The following CEP170 variants were observed in gnomAD, a reference collection of about 807,000 sequenced individuals.
The protein encoded by CEP170 is centrosomal protein of 170 kDa.
A neutral mutation model predicts 151.9 loss-of-function variants in CEP170; 21 were observed. That is an observed-to-expected ratio of 0.14 (90% CI 0.10 to 0.20). The LOEUF is 0.20. Among genes scored for constraint, CEP170 ranks in the 10% least tolerant of loss-of-function variants. The probability of loss-of-function intolerance (pLI) is 1.00; values close to 1 mark genes in which losing one functional copy is unlikely to be tolerated. For synonymous variants in CEP170, 356 were observed against 648.8 expected (o/e 0.55, Z 6.86); for missense variants, 964 against 1,892.9 (o/e 0.51, Z 9.11).
intron 7 of CEP170, among the ~76,000 whole-genome samples, chr1:243,193,777 C>G (rs2060464904): frequency 1.3e-5 from 2 of 151,812 alleles, no homozygotes; most frequent in Non-Finnish European, 2.9e-5. Flanking sequence ...CAGACAAGAT[C>G]TGAAATCAGA....
intron 1 of CEP170, among the ~76,000 whole-genome samples, chr1:243,245,261 T>G (rs1221717609): frequency 2.0e-5 from 3 of 152,112 alleles, no homozygotes; most frequent in Admixed American, 6.6e-5. Flanking sequence ...AAATAAGGTT[T>G]TTTTTTTTGG....
Position 243,140,039 on chromosome 1 carries a change from T to C in CEP170, c.4128A>G (p.Thr1376=), listed in dbSNP as rs371523136. Residue 1376 remains threonine (T), a synonymous_variant, in exon 16 of 20, where the codon ACA becomes ACG. Transcript: ENST00000366542. The part of the protein sequence containing the change: ...RKIPPLVHSK[T]PEGNNGRSGD... The stretch of plus-strand genomic sequence containing the variant: ...CAGATCGACCGTTGTTTCCTTCTGG[T>C]GTTTTGGAATGAACTAATGGAGGAA... 2 of 1,613,890 alleles carry C rather than the reference T, an allele frequency of 1.2e-6. No homozygotes were observed. Among genetic ancestry groups the C allele is most frequent in the African/African-American group, 2.7e-5 (2 of 74,954 alleles).
At chr1:243,237,689 G>A (rs971493218) in intron 1 of CEP170, among the ~76,000 whole-genome samples, 2 of 152,130 alleles carry the variant, frequency 1.3e-5, no homozygotes. Flanking sequence ...ATCACCCTGA[G>A]GTCAGGAGTT....
In CEP170 at chr1:243,228,492, A is replaced by G. The variant is rs1451460304; in HGVS notation, c.-41-3171T>C. ...TTCCTGGCCAAGTCTATAAAGGTGA[A>G]TCCAAATTTTACTGGAGAAAAAAGC... On this transcript the variant is annotated intron_variant, in intron 1 of 19. Transcript: ENST00000366542. Among the ~76,000 whole-genome samples the G allele has an allele frequency of 3.3e-5, 5 of 152,324 alleles. No homozygotes were observed. The South Asian group carries it at 1.0e-3, about 32-fold the overall frequency.
intron 1 of CEP170, among the ~76,000 whole-genome samples, chr1:243,239,485 TA>T (rs1453701607): frequency 2.6e-5 from 4 of 152,348 alleles, no homozygotes; most frequent in Non-Finnish European, 5.9e-5. Flanking sequence ...GTAAATGTAA[TA>T]ATTTCACTCC....
At chr1:243,218,532 A>G (rs2062513682) in intron 3 of CEP170, among the ~76,000 whole-genome samples, 2 of 152,206 alleles carry the variant, frequency 1.3e-5, no homozygotes, top group Admixed American at 6.5e-5. Context: ...GCAATTCTGT[A>G]AATTGTAGAT....
intron 1 of CEP170, among the ~76,000 whole-genome samples, chr1:243,243,030 C>T (rs914264591): frequency 6.6e-6 from 1 of 152,208 alleles, no homozygotes; most frequent in Admixed American, 6.5e-5. Context: ...TTCTCTATAG[C>T]AGATCCTTAA....
chr1:243,216,460 T>C (rs998803991), intron 3 of CEP170, among the ~76,000 whole-genome samples: 11 of 150,684 alleles, frequency 7.3e-5, no homozygotes, highest in Non-Finnish European at 1.6e-4. Flanking sequence ...TGGTGTTTGG[T>C]TTTTTGCTTT....
At chr1:243,177,487 T>C (rs777483758) in intron 10 of CEP170, among the ~76,000 whole-genome samples, 23 of 152,202 alleles carry the variant, frequency 1.5e-4, no homozygotes, top group Non-Finnish European at 2.8e-4. Context: ...TACTCAAGTT[T>C]CAACCTCAGA....
chr1:243,167,583 T>C (rs1378896941), intron 12 of CEP170, among the ~76,000 whole-genome samples: 1 of 151,862 alleles, frequency 6.6e-6, no homozygotes, highest in African/African-American at 2.4e-5. Flanking sequence ...AATTAACATA[T>C]AAAGCTTCCT....
intron 1 of CEP170, among the ~76,000 whole-genome samples, chr1:243,225,874 T>C (rs1048517803): frequency 6.6e-6 from 1 of 151,860 alleles, no homozygotes; most frequent in East Asian, 1.9e-4. Flanking sequence ...TACGTTTTCC[T>C]AGAACAGCAA....
chr1:243,128,020 A>G (rs1265671746), intron 19 of CEP170, among the ~76,000 whole-genome samples: 1 of 152,204 alleles, frequency 6.6e-6, no homozygotes, highest in Admixed American at 6.5e-5. Flanking sequence ...CTACTGTCAA[A>G]CCTATGAACT....
Position 243,225,230 on chromosome 1 carries a change from C to T in CEP170, c.51G>A (p.Arg17=). The change falls in exon 2 of 20, where the codon AGG becomes AGA. Residue 17 remains arginine, a synonymous_variant. Transcript: ENST00000366542. ...FLVSSGGTRH[R]LPREMIFVGR... ...CAACAAAAATCATTTCTCGTGGCAG[C>T]CTGTGGCGAGTGCCTCCACTGCTCA... 1.3e-6 allele frequency: 2 copies of T among 1,599,914 alleles called. No individual in the cohort carries two copies. The highest frequency in any genetic ancestry group is 3.3e-4 in the Middle Eastern group (2 of 6,048).
intron 7 of CEP170, among the ~76,000 whole-genome samples, chr1:243,193,887 G>A: frequency 6.6e-6 from 1 of 151,892 alleles, no homozygotes; most frequent in East Asian, 1.9e-4. Flanking sequence ...TTAGTGAGAT[G>A]AGTATTAAGT....
rs576772509 is a variant in CEP170, at chr1:243,226,025, G to GTA, written c.-41-706_-41-705dup. On this transcript the variant is annotated intron_variant, in intron 1 of 19. Transcript: ENST00000366542. ...TATATATCTAGATATATATACACACGTATATATATCTATCTCTAGATATAT... is the reference window on the plus strand; with the variant it reads ...TATATATCTAGATATATATACACACGTATATATATATCTATCTCTAGATATAT... Among the ~76,000 whole-genome samples the GTA allele has an allele frequency of 1.1e-3, 128 of 119,230 alleles. 1 individual carries two copies. The highest frequency in any genetic ancestry group is 4.8e-3 in the African/African-American group (117 of 24,482). 78.2% of individuals were successfully genotyped at this position (119,230 alleles called of 152,430 possible).
chr1:243,214,533 G>C (rs990781145), intron 3 of CEP170, among the ~76,000 whole-genome samples: 1 of 146,056 alleles, frequency 6.8e-6, no homozygotes, highest in South Asian at 2.2e-4. Flanking sequence ...TGATTCACCT[G>C]CCTCAGCCTC....
chr1:243,241,081 A>G (rs2064792073), intron 1 of CEP170, among the ~76,000 whole-genome samples: 1 of 152,266 alleles, frequency 6.6e-6, no homozygotes, highest in Non-Finnish European at 1.5e-5. Flanking sequence ...ATCTAAATGA[A>G]CAGAGAATTG....
intron 10 of CEP170, among the ~76,000 whole-genome samples, chr1:243,176,089 C>A (rs912279360): frequency 5.9e-5 from 9 of 152,206 alleles, no homozygotes; most frequent in African/African-American, 2.2e-4. Context: ...AGCCACAACG[C>A]CCGGCCTCAA....
chr1:243,185,718 T>C lies in CEP170; in HGVS notation c.1566+61A>G. 6.6e-7 allele frequency: 1 copy of C among 1,504,226 alleles called. No homozygotes were observed. Among genetic ancestry groups the C allele is most frequent in the Non-Finnish European group, 8.9e-7 (1 of 1,122,794 alleles). The allele number at this position is 1,504,226 out of a possible 1,614,324, so 93.2% of individuals were successfully genotyped here. ...ACATCTCATGCTGACTCTCCAATAA[T>C]TTCCACCAGTCAAATACACCACACA... On this transcript the variant is annotated intron_variant, in intron 10 of 19. Transcript: ENST00000366542. The surrounding 1 kb of genome is among the most constrained non-coding windows in gnomAD (Gnocchi z 4.9).
Sources: allele counts gnomAD v4.1 joint callset (sites outside exome capture counted in the v4.1 genomes callset), GRCh38; gene constraint gnomAD v4.1.1; non-coding constraint Gnocchi (gnomAD v3.1); transcripts MANE v1.5; gene names NCBI Gene and HGNC (gene_info 2026-07-23, HGNC 2026-07-21).